The following ASAP2 variants were observed in gnomAD, a reference collection of about 807,000 sequenced individuals.
ASAP2 encodes ArfGAP with SH3 domain, ankyrin repeat and PH domain 2, also known as arf-GAP with SH3 domain, ANK repeat and PH domain-containing protein 2.
Under a neutral mutation model 131.4 loss-of-function variants are expected in ASAP2, and 45 were observed. That is an observed-to-expected ratio of 0.34 (90% CI 0.27 to 0.44). ASAP2 has a LOEUF of 0.44. Ranked by LOEUF, ASAP2 falls within the 20% of genes least tolerant of loss-of-function variation. ASAP2 has a pLI of 1.00. For synonymous variants in ASAP2, 510 were observed against 503.0 expected (o/e 1.01, Z -0.19); for missense variants, 1,011 against 1,297.0 (o/e 0.78, Z 3.39).
At chr2:9,399,847 T>G in intron 24 of ASAP2, 176 bp from the exon 25 acceptor site, 1 of 646,776 alleles carries the variant, frequency 1.5e-6, no homozygotes, top group South Asian at 2.0e-5. Flanking sequence ...TTTAGCACTT[T>G]CCTCAGGGCC....
rs5829207 is a variant in ASAP2 at position 9,295,713 on chromosome 2, A to AT, written c.200-1585dup. On this transcript the variant is annotated intron_variant, in intron 2 of 27. Transcript: ENST00000281419. ...TTGTTTGCTGAATCTGGTCTCAGAA[A>AT]TTCATTTAATTTATCTAGAACTCTC... is the stretch of plus-strand genomic sequence containing the variant. Among the ~76,000 whole-genome samples the AT allele has an allele frequency of 2.4e-3, 366 of 152,328 alleles. 10 individuals are homozygous for AT. In the East Asian group the frequency reaches 0.062, roughly 26 times the overall value.
rs776797223 is a variant in ASAP2 at position 9,344,609 on chromosome 2, C to G, written c.927C>G (p.Asn309Lys). The change falls in exon 10 of 28, where the codon AAC (asparagine) becomes AAG (lysine). Residue 309 changes from asparagine (N) to lysine (K), a missense_variant. By Grantham distance (94) the Asn-to-Lys change is moderately conservative. Around this residue, in one of 2 missense-constraint regions of ASAP2, gnomAD observed 359 missense variants for 598.1 expected, o/e 0.60. Transcript: ENST00000281419. ...ACAAGGAACATGGGACCGAGCGGAACGGCAGCCTCTACAAGAAGAGTGACG... is the reference window on the plus strand; with the variant it reads ...ACAAGGAACATGGGACCGAGCGGAAGGGCAGCCTCTACAAGAAGAGTGACG... ...QGNKEHGTER[N>K]GSLYKKSDGI... is the part of the protein sequence containing the mutation. 1 of 1,614,130 alleles carries G rather than the reference C, an allele frequency of 6.2e-7. No homozygotes were observed. The highest frequency in any genetic ancestry group is 1.1e-5 in the South Asian group (1 of 91,084).
At chr2:9,253,330 A>G (rs1572259703) in intron 1 of ASAP2, among the ~76,000 whole-genome samples, 1 of 151,956 alleles carries the variant, frequency 6.6e-6, no homozygotes, top group South Asian at 2.1e-4. Flanking sequence ...CACCTGGCTA[A>G]TTTTTGTATT....
intron 1 of ASAP2, among the ~76,000 whole-genome samples, chr2:9,229,492 C>T (rs6727761): frequency 0.015 from 2,332 of 152,284 alleles, 76 homozygotes; most frequent in African/African-American, 0.053. Context: ...GAGAAATAGC[C>T]GTCCCCCTTG....
rs995149190 is a variant in ASAP2, at chr2:9,385,164, T to G, written c.2017-81T>G. 5 of 1,077,916 alleles carry G rather than the reference T, an allele frequency of 4.6e-6. No individual in the cohort carries two copies. The East Asian group carries it at 9.6e-5, about 21-fold the overall frequency. 66.8% of individuals were successfully genotyped at this position (1,077,916 alleles called of 1,614,324 possible). On this transcript the variant is annotated intron_variant, in intron 20 of 27. Coordinates refer to ENST00000281419, the MANE Select transcript of ASAP2 (RefSeq NM_003887.3). ...TTTGCCTTGGACTAGAAGGCAGGCC[T>G]CCTGCCTGCACACTTCAGTGGGTCC...
intron 1 of ASAP2, among the ~76,000 whole-genome samples, chr2:9,262,957 C>T (rs1332738143): frequency 6.6e-6 from 1 of 152,220 alleles, no homozygotes; most frequent in Non-Finnish European, 1.5e-5. Context: ...GCTTGAGCCT[C>T]GTTTCCTGGG....
chr2:9,338,862 G>A (rs946443120), intron 9 of ASAP2, among the ~76,000 whole-genome samples: 2 of 152,098 alleles, frequency 1.3e-5, no homozygotes, highest in African/African-American at 4.8e-5. Context: ...GTGATACCTG[G>A]GATGGAGCTT....
chr2:9,264,360 G>A (rs1283128411), intron 1 of ASAP2, among the ~76,000 whole-genome samples: 4 of 152,252 alleles, frequency 2.6e-5, no homozygotes, highest in South Asian at 2.1e-4. Flanking sequence ...CCGTGCTGGC[G>A]TCACCACTGT....
chr2:9,306,157 G>T (rs573766544), intron 3 of ASAP2, among the ~76,000 whole-genome samples: 2 of 150,406 alleles, frequency 1.3e-5, no homozygotes, highest in African/African-American at 2.5e-5. Context: ...TAGACATGGG[G>T]TGGAGGGGCT....
At chr2:9,271,123 A>G (rs1403304648) in intron 1 of ASAP2, among the ~76,000 whole-genome samples, 1 of 151,464 alleles carries the variant, frequency 6.6e-6, no homozygotes, top group Non-Finnish European at 1.5e-5. Flanking sequence ...GGCTCTTTTC[A>G]GTTTATTTCA....
Position 9,232,931 on chromosome 2 carries a change from C to T in ASAP2, c.126+25701C>T, listed in dbSNP as rs557189379. 4.1e-4 allele frequency among the ~76,000 whole-genome samples: 62 copies of T among 152,314 alleles called. 1 individual carries two copies. In the South Asian group the frequency reaches 0.01, roughly 25 times the overall value. ...TGCCCTTCTGGAAGAAGGAATTCCA[C>T]GTTAGACGTGTTCCCAGCTGCAGTT... On this transcript the variant is annotated intron_variant, in intron 1 of 27. Transcript: ENST00000281419. The surrounding 1 kb of genome is among the most constrained non-coding windows in gnomAD (Gnocchi z 4.1).
chr2:9,302,852 T>G (rs1668587599), intron 3 of ASAP2, among the ~76,000 whole-genome samples: 1 of 152,078 alleles, frequency 6.6e-6, no homozygotes, highest in African/African-American at 2.4e-5. Flanking sequence ...AGGGAGGTAG[T>G]AAGGTTCTGT....
chr2:9,342,683 G>A lies in ASAP2; in HGVS notation c.850-1849G>A, dbSNP rs80164902. 6.6e-5 allele frequency among the ~76,000 whole-genome samples: 10 copies of A among 152,312 alleles called. No individual in the cohort carries two copies. The East Asian group carries it at 1.9e-3, about 29-fold the overall frequency. ...GACTTCATTAAAATTAAAAAGTTTT[G>A]TGCTTCAGAATCTTTTTTCAAACTC... On this transcript the variant is annotated intron_variant, in intron 9 of 27. Coordinates refer to ENST00000281419, the MANE Select transcript of ASAP2 (RefSeq NM_003887.3).
chr2:9,287,743 C>A (rs1465678554), intron 2 of ASAP2, among the ~76,000 whole-genome samples: 1 of 152,026 alleles, frequency 6.6e-6, no homozygotes, highest in African/African-American at 2.4e-5. Flanking sequence ...CTGGAGATGT[C>A]TTCCAGTTGT....
intron 1 of ASAP2, among the ~76,000 whole-genome samples, chr2:9,247,155 T>C (rs2148113379): frequency 6.6e-6 from 1 of 152,344 alleles, no homozygotes; most frequent in African/African-American, 2.4e-5. Flanking sequence ...ATATTTTTAA[T>C]TGAGGAGAAA....
At chr2:9,323,288 T>C (rs1321425880) in intron 6 of ASAP2, 38 bp downstream of exon 6, 1 of 1,612,246 alleles carries the variant, frequency 6.2e-7, no homozygotes, top group Non-Finnish European at 8.5e-7. Context: ...CAGCCCAGGC[T>C]GTGCCGGCTC....
intron 16 of ASAP2, among the ~76,000 whole-genome samples, chr2:9,374,547 T>C (rs1256393723): frequency 6.6e-6 from 1 of 152,130 alleles, no homozygotes; most frequent in East Asian, 1.9e-4. Context: ...CATGGGGAGT[T>C]GTCCCCCTGG....
intron 4 of ASAP2, 98 bp downstream of exon 4, chr2:9,318,696 A>C: frequency 8.5e-5 from 61 of 721,788 alleles, no homozygotes; most frequent in Non-Finnish European, 1.3e-4. Flanking sequence ...GTACGTTCTC[A>C]TTGGGACGAT....
At chr2:9,341,311 C>T (rs1275472288) in intron 9 of ASAP2, among the ~76,000 whole-genome samples, 1 of 152,148 alleles carries the variant, frequency 6.6e-6, no homozygotes, top group Non-Finnish European at 1.5e-5. Flanking sequence ...AAGTAATTCG[C>T]ACTAAAACAG....
Sources: gnomAD v4.1 joint callset for allele counts (sites outside exome capture counted in the v4.1 genomes callset) on GRCh38, gnomAD v4.1.1 for gene constraint, gnomAD v4.1.1 regional missense constraint, Gnocchi (gnomAD v3.1) non-coding constraint, MANE v1.5 for transcripts, NCBI Gene and HGNC (gene_info 2026-07-23, HGNC 2026-07-21) for gene names.